The following ZNF827 variants were observed in gnomAD, a reference collection of about 807,000 sequenced individuals.
ZNF827 encodes the protein zinc finger protein 827.
Under a neutral mutation model 102.4 loss-of-function variants are expected in ZNF827, and 13 were observed. The ratio of observed to expected loss-of-function variants is 0.13; its 90% CI spans 0.08 to 0.20. The LOEUF (loss-of-function observed/expected upper bound fraction) is 0.20, where lower values mean the gene tolerates loss of function less well. ZNF827 is among the 10% of genes least tolerant of loss of function. The pLI is 1.00. For synonymous variants in ZNF827, 523 were observed against 536.2 expected (o/e 0.98, Z 0.34); for missense variants, 1,103 against 1,344.4 (o/e 0.82, Z 2.81).
intron 7 of ZNF827, among the ~76,000 whole-genome samples, chr4:145,827,486 A>G (rs1743807799): frequency 6.6e-6 from 1 of 152,204 alleles, no homozygotes; most frequent in African/African-American, 2.4e-5. Flanking sequence ...GGGCCTGGTC[A>G]ATTTGCAACT....
At chr4:145,843,950 G>C (rs765422046) in intron 7 of ZNF827, among the ~76,000 whole-genome samples, 2 of 152,152 alleles carry the variant, frequency 1.3e-5, no homozygotes, top group Non-Finnish European at 2.9e-5. Flanking sequence ...GTTCCTCTGA[G>C]AGCATTCCCT....
At chr4:145,916,605 T>C (rs1483239642) in intron 1 of ZNF827, among the ~76,000 whole-genome samples, 2 of 152,206 alleles carry the variant, frequency 1.3e-5, no homozygotes, top group African/African-American at 4.8e-5. Context: ...CCCTTATCAA[T>C]CAATCAGTTC....
intron 4 of ZNF827, among the ~76,000 whole-genome samples, chr4:145,877,462 A>G (rs1437977839): frequency 7.2e-5 from 11 of 152,196 alleles, no homozygotes; most frequent in Admixed American, 6.5e-4. Context: ...ATTCAAATGG[A>G]ATGTTTAGAA....
intron 1 of ZNF827, among the ~76,000 whole-genome samples, chr4:145,922,046 A>G (rs1277896715): frequency 6.6e-6 from 1 of 152,288 alleles, no homozygotes; most frequent in African/African-American, 2.4e-5. Context: ...ATTCAAAGAT[A>G]CATCAAGGAA....
chr4:145,933,677 T>C (rs1252905605), intron 1 of ZNF827, among the ~76,000 whole-genome samples: 3 of 151,926 alleles, frequency 2.0e-5, no homozygotes, highest in Non-Finnish European at 2.9e-5. Context: ...GTGTTCCCCC[T>C]CGGGAATAGG....
At chr4:145,861,957 G>A (rs572675673) in intron 5 of ZNF827, among the ~76,000 whole-genome samples, 1 of 152,276 alleles carries the variant, frequency 6.6e-6, no homozygotes, top group Admixed American at 6.5e-5. Context: ...CCAGGCCTTG[G>A]AGAAAGCTGG....
At chr4:145,905,836 T>C (rs1751818717) in intron 1 of ZNF827, among the ~76,000 whole-genome samples, 1 of 152,234 alleles carries the variant, frequency 6.6e-6, no homozygotes, top group South Asian at 2.1e-4. Context: ...CAAATAATCT[T>C]TTCTTTAATC....
rs1187143811 is a variant in ZNF827, at chr4:145,765,194, T to C, written c.3053-29A>G. 1 of 1,571,208 alleles carries C rather than the reference T, an allele frequency of 6.4e-7. No homozygotes were observed. Among genetic ancestry groups the C allele is most frequent in the African/African-American group, 1.3e-5 (1 of 74,392 alleles). On this transcript the variant is annotated intron_variant, in intron 12 of 14. Coordinates refer to ENST00000508784, the MANE Select transcript of ZNF827 (RefSeq NM_001306215.2). This position sits in a 1 kb window ranked among gnomAD's most constrained non-coding sequence, Gnocchi z 4.7. ...CAAGGACCGAAGCTGGGTATAGAGG[T>C]GCACAGGGCAGCGGGGAGAGGAGGG... is the stretch of plus-strand genomic sequence containing the variant.
chr4:145,790,311 T>C (rs886262460), intron 8 of ZNF827, among the ~76,000 whole-genome samples: 1 of 152,198 alleles, frequency 6.6e-6, no homozygotes, highest in East Asian at 1.9e-4. Flanking sequence ...TATATATTAA[T>C]ACTTACTGAA....
At chr4:145,764,573 G>C (rs936892489) in intron 13 of ZNF827, 4 of 185,360 alleles carry the variant, frequency 2.2e-5, no homozygotes, top group African/African-American at 9.5e-5. Context: ...TGGTTGCAAT[G>C]CTTACTTAAA....
intron 1 of ZNF827, among the ~76,000 whole-genome samples, chr4:145,935,139 A>T (rs1272929366): frequency 6.6e-6 from 1 of 152,192 alleles, no homozygotes; most frequent in Non-Finnish European, 1.5e-5. Flanking sequence ...AAACCCTGAG[A>T]TGACTTCTAG....
intron 7 of ZNF827, chr4:145,830,358 T>C (rs1051324653): frequency 3.3e-5 from 5 of 152,202 alleles, no homozygotes; most frequent in Admixed American, 2.6e-4. Flanking sequence ...ATCTTTGTAT[T>C]AGTTATAACT....
rs181033908 is a variant in ZNF827 at position 145,862,714 on chromosome 4, G to A, written c.1981+7531C>T. 1.5e-3 allele frequency among the ~76,000 whole-genome samples: 232 copies of A among 152,308 alleles called. 1 individual carries two copies. Among genetic ancestry groups the A allele is most frequent in the African/African-American group, 5.1e-3 (213 of 41,566 alleles). On this transcript the variant is annotated intron_variant, in intron 5 of 14. Coordinates refer to ENST00000508784, the MANE Select transcript of ZNF827 (RefSeq NM_001306215.2). ...GGGAGTCAGAAGGGTCCACTCCACT[G>A]AGGTATTATTCAATAAATTTGGTTT... is the stretch of plus-strand genomic sequence containing the variant.
chr4:145,795,476 C>T (rs1740288770), intron 8 of ZNF827, among the ~76,000 whole-genome samples: 1 of 152,222 alleles, frequency 6.6e-6, no homozygotes, highest in Admixed American at 6.5e-5. Flanking sequence ...GAATTTTCGT[C>T]TCTTAGAGCC....
At chr4:145,918,332 CAAAAAAA>C (rs34428145) in intron 1 of ZNF827, among the ~76,000 whole-genome samples, 13 of 22,140 alleles carry the variant, frequency 5.9e-4, no homozygotes, top group African/African-American at 2.5e-3. Context: ...TAGCTCAAGG[CAAAAAAA>C]AAAAAAAAAA....
At chr4:145,836,443 T>G (rs1470647459) in intron 7 of ZNF827, among the ~76,000 whole-genome samples, 1 of 152,180 alleles carries the variant, frequency 6.6e-6, no homozygotes, top group Non-Finnish European at 1.5e-5. Flanking sequence ...AATCACAAAC[T>G]ATGCTCAACT....
chr4:145,851,474 C>T (rs1056353745), intron 5 of ZNF827, among the ~76,000 whole-genome samples: 3 of 151,822 alleles, frequency 2.0e-5, no homozygotes, highest in Non-Finnish European at 2.9e-5. Flanking sequence ...CATGGGTGAA[C>T]GTCAAATACA....
intron 2 of ZNF827, among the ~76,000 whole-genome samples, chr4:145,899,134 T>A (rs1751211035): frequency 6.6e-6 from 1 of 152,152 alleles, no homozygotes. Flanking sequence ...GTATTTTGAA[T>A]TAAACTAAGA....
At chr4:145,770,670 C>T (rs562957637) in intron 11 of ZNF827, among the ~76,000 whole-genome samples, 1 of 152,064 alleles carries the variant, frequency 6.6e-6, no homozygotes, top group South Asian at 2.1e-4. Flanking sequence ...AGTTGGCTCT[C>T]AAAAAATTCT....
Sources: allele counts gnomAD v4.1 joint callset (sites outside exome capture counted in the v4.1 genomes callset), GRCh38; gene constraint gnomAD v4.1.1; non-coding constraint Gnocchi (gnomAD v3.1); transcripts MANE v1.5; gene names NCBI Gene and HGNC (gene_info 2026-07-23, HGNC 2026-07-21).